TBC1D1: variants seen among roughly 807,000 people sequenced by gnomAD.
TBC1D1 encodes the protein TBC1 domain family member 1.
Under a neutral mutation model 125.6 loss-of-function variants are expected in TBC1D1, and 89 were observed. That is an observed-to-expected ratio of 0.71 (90% CI 0.60 to 0.85). The LOEUF (loss-of-function observed/expected upper bound fraction) is 0.85. Among genes scored for constraint, TBC1D1 ranks in the 40% least tolerant of loss-of-function variants. The probability of loss-of-function intolerance (pLI) is 0.00; values close to 1 mark genes in which losing one functional copy is unlikely to be tolerated. For missense variants in TBC1D1, 1,377 were observed against 1,469.2 expected, an observed-to-expected ratio of 0.94 and a Z score of 1.03; for synonymous variants, 565 against 564.1, an observed-to-expected ratio of 1.00 and a Z score of -0.02.
chr4:38,129,595 G>C (rs1314943680), intron 18 of TBC1D1, among the ~76,000 whole-genome samples: 1 of 152,132 alleles, frequency 6.6e-6, no homozygotes, highest in East Asian at 1.9e-4. Context: ...AGGGCAGGGG[G>C]TTAGGAAGGC....
chr4:37,950,741 T>C lies in TBC1D1; in HGVS notation c.417+48229T>C, dbSNP rs1202868273. Among the ~76,000 whole-genome samples, 9 of 151,426 alleles carry C rather than the reference T, an allele frequency of 5.9e-5. No homozygotes were observed. The East Asian group carries it at 7.7e-4, about 13-fold the overall frequency. ...GTAAATCCTGTGAATTGGACAAATGTACAATGACATGTAGTCACTTTTTTT... is the reference window on the plus strand; with the variant it reads ...GTAAATCCTGTGAATTGGACAAATGCACAATGACATGTAGTCACTTTTTTT... On this transcript the variant is annotated intron_variant, in intron 2 of 19. Transcript: ENST00000261439.
At chr4:37,932,948 T>C (rs1395796363) in intron 2 of TBC1D1, among the ~76,000 whole-genome samples, 1 of 151,862 alleles carries the variant, frequency 6.6e-6, no homozygotes, top group Non-Finnish European at 1.5e-5. Flanking sequence ...TCCCAGCTAC[T>C]TGGGAGGTTG....
At chr4:38,052,194 T>TGTGTGTGTGTGTGTGCGC (rs755025486) in intron 11 of TBC1D1, 134 bp downstream of exon 12, 11 of 581,432 alleles carry the variant, frequency 1.9e-5, no homozygotes, top group African/African-American at 1.2e-4. Context: ...TGTGTGTGTG[T>TGTGTGTGTGTGTGTGCGC]GCGCGCGCGT....
At chr4:37,918,884 C>T (rs1413103010) in intron 2 of TBC1D1, among the ~76,000 whole-genome samples, 16 of 152,022 alleles carry the variant, frequency 1.1e-4, no homozygotes, top group Admixed American at 9.2e-4. Flanking sequence ...TTTTAATTTC[C>T]TACTACATTT....
In TBC1D1 at chr4:38,124,979, G is replaced by T; in HGVS notation, c.2980G>T (p.Gly994Ter). The stretch of plus-strand genomic sequence containing the variant: ...TTTCTCAGATATGATTTTTCTTCAG[G>T]GAACAGAGGTCATATTTAAAGTGGC... The change falls in exon 18 of 20, where the codon GGA becomes TGA. Residue 994 changes from glycine (G) to a stop codon, truncating the protein, a stop_gained. Coordinates refer to ENST00000261439, the MANE Select transcript of TBC1D1 (RefSeq NM_015173.4). LOFTEE classifies it high-confidence loss of function. 2.5e-6 allele frequency: 4 copies of T among 1,612,830 alleles called. No homozygotes were observed. The highest frequency in any genetic ancestry group is 3.4e-6 in the Non-Finnish European group (4 of 1,179,588).
chr4:37,994,032 A>G (rs992692474), intron 2 of TBC1D1, among the ~76,000 whole-genome samples: 13 of 152,332 alleles, frequency 8.5e-5, no homozygotes, highest in Admixed American at 6.5e-4. Flanking sequence ...AGCACTTCCC[A>G]GAAGTTGAGA....
At chr4:38,094,531 G>C (rs1758990551) in intron 13 of TBC1D1, among the ~76,000 whole-genome samples, 1 of 152,184 alleles carries the variant, frequency 6.6e-6, no homozygotes, top group South Asian at 2.1e-4. Context: ...TGCCTTGGTT[G>C]ATAAGGCATT....
chr4:38,048,452 G>A (rs955382210), intron 10 of TBC1D1, among the ~76,000 whole-genome samples: 1 of 151,840 alleles, frequency 6.6e-6, no homozygotes, highest in Non-Finnish European at 1.5e-5. Context: ...AGTTATGAAA[G>A]TAATCAATAT....
intron 16 of TBC1D1, among the ~76,000 whole-genome samples, chr4:38,116,344 C>A (rs995289635): frequency 6.6e-6 from 1 of 152,126 alleles, no homozygotes; most frequent in African/African-American, 2.4e-5. Flanking sequence ...CTCTGCCTCA[C>A]CCCCACCCTT....
chr4:38,124,966 G>A lies in TBC1D1; in HGVS notation c.2967G>A (p.Met989Ile). Reference sequence around the variant, plus strand: ...TGCATTTCTGTGTTTTCTCAGATATGATTTTTCTTCAGGGAACAGAGGTCA... The same window carrying A: ...TGCATTTCTGTGTTTTCTCAGATATAATTTTTCTTCAGGGAACAGAGGTCA... Residue 989 changes from methionine (M) to isoleucine (I), a missense_variant, in exon 18 of 20, where the codon ATG (methionine) becomes ATA (isoleucine). By Grantham distance (10) the Met-to-Ile change is conservative (BLOSUM62 1). This residue lies in a region of TBC1D1 where 543 missense variants were observed against 613.5 expected (regional missense o/e 0.89). Transcript: ENST00000261439. 6.2e-7 allele frequency: 1 copy of A among 1,613,132 alleles called. No individual in the cohort carries two copies. Among genetic ancestry groups the A allele is most frequent in the Non-Finnish European group, 8.5e-7 (1 of 1,179,684 alleles).
At chr4:37,968,380 T>G (rs767964325) in intron 2 of TBC1D1, among the ~76,000 whole-genome samples, 2 of 152,248 alleles carry the variant, frequency 1.3e-5, no homozygotes, top group Non-Finnish European at 2.9e-5. Flanking sequence ...TTTGCAAGGC[T>G]TTTGGATACA....
chr4:38,117,971 G>A (rs751201076), intron 16 of TBC1D1, 62 bp from the exon 19 acceptor site: 318 of 1,487,512 alleles, frequency 2.1e-4, no homozygotes, highest in South Asian at 4.5e-4. Context: ...GTGAGCAGTA[G>A]GCATAACTTT....
At chr4:37,941,827 A>G (rs925025539) in intron 2 of TBC1D1, among the ~76,000 whole-genome samples, 9 of 151,938 alleles carry the variant, frequency 5.9e-5, no homozygotes, top group African/African-American at 2.2e-4. Context: ...CATGTAGTTG[A>G]GTAGTTTTGA....
At chr4:38,027,946 T>C (rs1470403861) in intron 7 of TBC1D1, 67 bp downstream of exon 7, 7 of 1,254,800 alleles carry the variant, frequency 5.6e-6, no homozygotes, top group African/African-American at 1.5e-5. Context: ...AAATGCTATG[T>C]GTAAAAAATA....
chr4:38,058,218 T>C (rs1752103486), intron 12 of TBC1D1, among the ~76,000 whole-genome samples: 1 of 152,230 alleles, frequency 6.6e-6, no homozygotes, highest in Non-Finnish European at 1.5e-5. Flanking sequence ...TCAGGCATCT[T>C]TGTCCTCTGC....
intron 16 of TBC1D1, among the ~76,000 whole-genome samples, chr4:38,117,519 T>A (rs1350855257): frequency 6.6e-6 from 1 of 152,254 alleles, no homozygotes; most frequent in Non-Finnish European, 1.5e-5. Context: ...TTCCATATAT[T>A]ATACACCAAA....
intron 2 of TBC1D1, among the ~76,000 whole-genome samples, chr4:37,989,765 T>C (rs1736179024): frequency 6.6e-6 from 1 of 152,208 alleles, no homozygotes; most frequent in Non-Finnish European, 1.5e-5. Context: ...CAGCAGCCTG[T>C]GTGACCTTGC....
rs575230112 is a variant in TBC1D1 at position 38,044,317 on chromosome 4, C to A, written c.1414-45C>A. The A allele has an allele frequency of 3.8e-6, 6 of 1,567,164 alleles. No homozygotes were observed. In the East Asian group the frequency reaches 1.1e-4, roughly 30 times the overall value. On this transcript the variant is annotated intron_variant, in intron 8 of 19. Coordinates refer to ENST00000261439, the MANE Select transcript of TBC1D1 (RefSeq NM_015173.4). The stretch of plus-strand genomic sequence containing the variant: ...AGAGATTTTTCATTCCTTTAAGAAG[C>A]AGAGAAGGGAGCGATAAATGACTTT...
chr4:38,077,751 TC>T (rs2152520359), intron 12 of TBC1D1, among the ~76,000 whole-genome samples: 1 of 152,188 alleles, frequency 6.6e-6, no homozygotes, highest in African/African-American at 2.4e-5. Flanking sequence ...TCCCTTGTCT[TC>T]TGGATGTTCA....
Sources: allele counts gnomAD v4.1 joint callset (sites outside exome capture counted in the v4.1 genomes callset), GRCh38; gene constraint gnomAD v4.1.1; regional missense constraint gnomAD v4.1.1; transcripts MANE v1.5; gene names NCBI Gene and HGNC (gene_info 2026-07-23, HGNC 2026-07-21).